Variants in WAC observed in about 807,000 individuals in gnomAD.
The protein encoded by WAC is WW domain containing adaptor with coiled-coil.
In WAC, 11 loss-of-function variants were observed where a neutral mutation model predicts 79.6. The observed-to-expected ratio is 0.14, with a 90% confidence interval of 0.09 to 0.23. The LOEUF is 0.23. Among genes scored for constraint, WAC ranks in the 10% least tolerant of loss-of-function variants. The pLI, the probability that WAC is intolerant of heterozygous loss-of-function variation, is 1.00. For missense variants in WAC, 728 were observed against 773.5 expected (o/e 0.94, Z 0.70); for synonymous variants, 304 against 276.9 (o/e 1.10, Z -0.97).
intron 7 of WAC, among the ~76,000 whole-genome samples, chr10:28,598,542 A>G (rs980901187): frequency 1.3e-5 from 2 of 152,126 alleles, no homozygotes; most frequent in Non-Finnish European, 2.9e-5. Flanking sequence ...CCTTCCCTCC[A>G]TGCAGTTTGA....
chr10:28,570,703 A>G (rs1470639066), intron 3 of WAC, among the ~76,000 whole-genome samples: 1 of 152,176 alleles, frequency 6.6e-6, no homozygotes, highest in Non-Finnish European at 1.5e-5. Context: ...GACAGACAAT[A>G]TAAAATATAT....
intron 3 of WAC, among the ~76,000 whole-genome samples, chr10:28,560,106 C>T (rs900654258): frequency 2.0e-5 from 3 of 152,132 alleles, no homozygotes; most frequent in Non-Finnish European, 2.9e-5. Flanking sequence ...CTTTGGGAGG[C>T]TGACATGGGA....
At chr10:28,600,452 A>G (rs542125893) in intron 7 of WAC, among the ~76,000 whole-genome samples, 1 of 152,176 alleles carries the variant, frequency 6.6e-6, no homozygotes, top group African/African-American at 2.4e-5. Context: ...TTCAGCACTC[A>G]GTTGCTTTGC....
intron 3 of WAC, among the ~76,000 whole-genome samples, chr10:28,581,134 A>G (rs987642984): frequency 1.3e-5 from 2 of 149,610 alleles, no homozygotes; most frequent in Non-Finnish European, 3.0e-5. Flanking sequence ...TTATATAGGT[A>G]CTCTTTGCCT....
chr10:28,618,327 A>G (rs1046739981), intron 13 of WAC, among the ~76,000 whole-genome samples: 2 of 151,732 alleles, frequency 1.3e-5, no homozygotes, highest in Admixed American at 1.3e-4. Flanking sequence ...CAAACTTGGC[A>G]ATGGCTTTAT....
At chr10:28,579,973 TGTTA>T (rs71954715) in intron 3 of WAC, among the ~76,000 whole-genome samples, 24,975 of 152,122 alleles carry the variant, frequency 0.16, 2,332 homozygotes, top group East Asian at 0.3. Context: ...TGTTTAAGAA[TGTTA>T]GTTTATTCTT....
intron 3 of WAC, among the ~76,000 whole-genome samples, chr10:28,550,291 CTTT>C (rs111684126): frequency 6.9e-6 from 1 of 145,066 alleles, no homozygotes; most frequent in African/African-American, 2.5e-5. Flanking sequence ...TCCTAGGCAT[CTTT>C]TTTTTTTTTA....
At position 28,589,724 on chromosome 10, in the gene WAC, T is replaced by A; in HGVS notation, c.382-12T>A. The A allele has an allele frequency of 6.5e-7, 1 of 1,535,198 alleles. No individual in the cohort carries two copies. Among genetic ancestry groups the A allele is most frequent in the Non-Finnish European group, 8.9e-7 (1 of 1,121,390 alleles). ...ATTAACATTTTCTAATTGTAAAAAA[T>A]ATATTTTTAAGCCTTATGATTCTGC... On this transcript the variant is annotated splice_polypyrimidine_tract_variant and intron_variant, in intron 4 of 13. Coordinates refer to ENST00000354911, the MANE Select transcript of WAC (RefSeq NM_016628.5).
At chr10:28,591,986 G>A (rs1265707549) in intron 6 of WAC, among the ~76,000 whole-genome samples, 1 of 152,106 alleles carries the variant, frequency 6.6e-6, no homozygotes, top group Non-Finnish European at 1.5e-5. Context: ...CCAAAAAGTT[G>A]GGGGTGTATT....
At chr10:28,570,183 T>G in intron 3 of WAC, among the ~76,000 whole-genome samples, 1 of 152,246 alleles carries the variant, frequency 6.6e-6, no homozygotes, top group Non-Finnish European at 1.5e-5. Flanking sequence ...TACCACATAT[T>G]TTTGGGAAAA....
At chr10:28,596,803 G>A (rs935916291) in intron 7 of WAC, among the ~76,000 whole-genome samples, 2 of 152,096 alleles carry the variant, frequency 1.3e-5, no homozygotes, top group Non-Finnish European at 2.9e-5. Context: ...GTGTTGATGC[G>A]CTTTTAAATG....
At chr10:28,579,546 A>G (rs1159063030) in intron 3 of WAC, among the ~76,000 whole-genome samples, 1 of 152,146 alleles carries the variant, frequency 6.6e-6, no homozygotes, top group East Asian at 1.9e-4. Context: ...GAAATCTAAA[A>G]CTTGTGAGGT....
At chr10:28,541,420 GTTTTT>G (rs869099181) in intron 3 of WAC, among the ~76,000 whole-genome samples, 2 of 49,208 alleles carry the variant, frequency 4.1e-5, no homozygotes, top group African/African-American at 1.1e-4. Context: ...TGTGTGTTTT[GTTTTT>G]TTTTTTTTTT....
At chr10:28,607,512 A>C (rs1188806215) in intron 7 of WAC, among the ~76,000 whole-genome samples, 2 of 152,184 alleles carry the variant, frequency 1.3e-5, no homozygotes, top group Non-Finnish European at 2.9e-5. Context: ...CTTTATTTCT[A>C]AATACTATGA....
rs756619776 is a variant in WAC at position 28,616,290 on chromosome 10, A to G, written c.1674A>G (p.Ala558=). 1.2e-6 allele frequency: 2 copies of G among 1,614,040 alleles called. No homozygotes were observed. The highest frequency in any genetic ancestry group is 3.3e-5 in the Admixed American group (2 of 59,968). ...GATCCACGTGTTCATTAACGCCTGC[A>G]CTAGCAGCACACTTCAGTGAAAATC... The part of the protein sequence containing the change: ...SARSTCSLTP[A]LAAHFSENLI... Residue 558 remains alanine (A), a synonymous_variant, in exon 12 of 14, where the codon GCA becomes GCG. Coordinates refer to ENST00000354911, the MANE Select transcript of WAC (RefSeq NM_016628.5).
intron 3 of WAC, among the ~76,000 whole-genome samples, chr10:28,549,132 T>C (rs925680465): frequency 6.6e-6 from 1 of 151,184 alleles, no homozygotes; most frequent in Admixed American, 6.6e-5. Context: ...CTCCTGGCTT[T>C]AAGTAATCCT....
chr10:28,611,555 A>G (rs1841236993), intron 9 of WAC: 1 of 1,342,226 alleles, frequency 7.5e-7, no homozygotes, highest in Non-Finnish European at 9.8e-7. Flanking sequence ...AGAGTGGGCC[A>G]CACTGGGTGT....
chr10:28,598,588 T>TA (rs1056924686), intron 7 of WAC, among the ~76,000 whole-genome samples: 5 of 152,208 alleles, frequency 3.3e-5, no homozygotes, highest in African/African-American at 1.2e-4. Context: ...GTTTATTCCT[T>TA]AAAACAACAC....
At chr10:28,547,739 G>C (rs1271990105) in intron 3 of WAC, among the ~76,000 whole-genome samples, 1 of 151,626 alleles carries the variant, frequency 6.6e-6, no homozygotes, top group African/African-American at 2.4e-5. Flanking sequence ...ATACCCATTG[G>C]GATGTATGAC....
Sources: gnomAD v4.1 joint callset for allele counts (sites outside exome capture counted in the v4.1 genomes callset) on GRCh38, gnomAD v4.1.1 for gene constraint, MANE v1.5 for transcripts, NCBI Gene and HGNC (gene_info 2026-07-23, HGNC 2026-07-21) for gene names.